The following PPP2CA variants were observed in gnomAD, a reference collection of about 807,000 sequenced individuals.
The protein encoded by PPP2CA is protein phosphatase 2 catalytic subunit alpha.
A neutral mutation model predicts 38.8 loss-of-function variants in PPP2CA; 5 were observed. The observed-to-expected ratio is 0.13, with a 90% CI of 0.07 to 0.27. The LOEUF (loss-of-function observed/expected upper bound fraction) is 0.27, where lower values mean the gene tolerates loss of function less well. Among genes scored for constraint, PPP2CA ranks in the 10% least tolerant of loss-of-function variants. The probability of loss-of-function intolerance (pLI) is 1.00; values close to 1 mark genes in which losing one functional copy is unlikely to be tolerated. For synonymous variants in PPP2CA, 152 were observed against 134.0 expected (o/e 1.13, Z -0.93); for missense variants, 88 against 389.7 (o/e 0.23, Z 6.52).
At chr5:134,213,476 C>T (rs1420667365) in intron 1 of PPP2CA, among the ~76,000 whole-genome samples, 1 of 151,914 alleles carries the variant, frequency 6.6e-6, no homozygotes, top group Non-Finnish European at 1.5e-5. Context: ...ACACCAAAAC[C>T]CCATCTCTAC....
intron 5 of PPP2CA, 128 bp from the exon 6 acceptor site, chr5:134,199,332 C>CT: frequency 3.0e-6 from 2 of 670,518 alleles, no homozygotes; most frequent in Non-Finnish European, 5.2e-6. Flanking sequence ...AATGTTAATG[C>CT]TTTTTTTCTG....
At chr5:134,210,067 C>T (rs548935298) in intron 1 of PPP2CA, among the ~76,000 whole-genome samples, 2 of 151,472 alleles carry the variant, frequency 1.3e-5, no homozygotes, top group East Asian at 3.9e-4. Flanking sequence ...TGCAGTGAGC[C>T]GTGATCATAC....
intron 1 of PPP2CA, among the ~76,000 whole-genome samples, chr5:134,224,635 C>G (rs1197409146): frequency 1.3e-5 from 2 of 151,736 alleles, no homozygotes; most frequent in Non-Finnish European, 3.0e-5. Flanking sequence ...CAGCAGAGAT[C>G]AGCATTTTGT....
intron 1 of PPP2CA, among the ~76,000 whole-genome samples, chr5:134,223,783 C>T (rs919835985): frequency 6.6e-6 from 1 of 152,208 alleles, no homozygotes; most frequent in Admixed American, 6.5e-5. Context: ...TTCTTTCAAA[C>T]TAGATTCATA....
intron 2 of PPP2CA, among the ~76,000 whole-genome samples, chr5:134,205,107 T>C (rs1762050874): frequency 6.6e-6 from 1 of 151,926 alleles, no homozygotes; most frequent in African/African-American, 2.4e-5. Context: ...TAATTATTAT[T>C]ATTTTTTTGT....
intron 1 of PPP2CA, among the ~76,000 whole-genome samples, chr5:134,224,721 C>T (rs1421717681): frequency 2.6e-5 from 4 of 152,158 alleles, no homozygotes; most frequent in Admixed American, 2.6e-4. Flanking sequence ...ACCTGTTTCC[C>T]CAACCCCCAG....
intron 1 of PPP2CA, among the ~76,000 whole-genome samples, chr5:134,210,391 T>TA (rs958730481): frequency 1.3e-5 from 2 of 152,182 alleles, no homozygotes; most frequent in African/African-American, 4.8e-5. Flanking sequence ...TTGACTTCTG[T>TA]AAAGTCTCAT....
intron 1 of PPP2CA, among the ~76,000 whole-genome samples, chr5:134,223,729 T>TCTA (rs1460902814): frequency 6.6e-6 from 1 of 152,180 alleles, no homozygotes; most frequent in East Asian, 1.9e-4. Context: ...ACACAAACCC[T>TCTA]CTACTTCCAT....
Position 134,225,607 on chromosome 5 carries a change from T to C in PPP2CA, c.102+153A>G, listed in dbSNP as rs1762556303. 20 of 591,808 alleles carry C rather than the reference T, an allele frequency of 3.4e-5. No homozygotes were observed. In the East Asian group the frequency reaches 5.9e-4, roughly 17 times the overall value. The allele number at this position is 591,808 out of a possible 1,614,324, so 36.7% of individuals were successfully genotyped here. ...CGGGAGGCAGGGGGCGCCGGGTCGT[T>C]AGGAAGCCGCCGCCGGCCAGGATGG... is the stretch of plus-strand genomic sequence containing the variant. On this transcript the variant is annotated intron_variant, in intron 1 of 6. Coordinates refer to ENST00000481195, the MANE Select transcript of PPP2CA (RefSeq NM_002715.4).
chr5:134,204,694 G>A (rs1020476484), intron 2 of PPP2CA, among the ~76,000 whole-genome samples: 2 of 152,072 alleles, frequency 1.3e-5, no homozygotes, highest in African/African-American at 2.4e-5. Flanking sequence ...CTGGACTCAA[G>A]TGATCCTTCC....
At chr5:134,217,362 C>T (rs1408489377) in intron 1 of PPP2CA, among the ~76,000 whole-genome samples, 3 of 152,146 alleles carry the variant, frequency 2.0e-5, no homozygotes, top group Non-Finnish European at 4.4e-5. Context: ...TAACATTTCA[C>T]ATCCTTACCA....
intron 1 of PPP2CA, among the ~76,000 whole-genome samples, chr5:134,209,713 G>A (rs1027353428): frequency 6.6e-6 from 1 of 151,850 alleles, no homozygotes; most frequent in East Asian, 1.9e-4. Context: ...GGGAGGCGGA[G>A]GTTGCAGTGA....
At chr5:134,200,920 T>TAG in intron 4 of PPP2CA, 65 bp downstream of exon 4, 5 of 1,298,762 alleles carry the variant, frequency 3.8e-6, no homozygotes, top group Non-Finnish European at 5.6e-6. Context: ...CTAATGAACT[T>TAG]ACAATTAAAC....
chr5:134,217,906 T>G (rs1762355431), intron 1 of PPP2CA, among the ~76,000 whole-genome samples: 1 of 152,342 alleles, frequency 6.6e-6, no homozygotes, highest in South Asian at 2.1e-4. Context: ...GGCTACAAAC[T>G]TGTACAGCAT....
At position 134,195,270 on chromosome 5, in the gene PPP2CA, A is replaced by G. The variant is rs948741633; in HGVS notation, c.*2502T>C. ...AAACTCAGAATCCTCTTTATTTTTG[A>G]GACAGGGTCTGGCTCTGTCACCCAG... On this transcript the variant is annotated 3_prime_UTR_variant, in exon 7 of 7. Transcript: ENST00000481195. The G allele has an allele frequency of 1.3e-5, 2 of 152,208 alleles. No homozygotes were observed. The highest frequency in any genetic ancestry group is 4.8e-5 in the African/African-American group (2 of 41,436). 9.4% of individuals were successfully genotyped at this position (152,208 alleles called of 1,614,324 possible). A position where few individuals can be genotyped will look rare whatever the true frequency, so the allele number is the denominator to read the frequency against.
intron 1 of PPP2CA, among the ~76,000 whole-genome samples, chr5:134,217,615 C>CA (rs943617553): frequency 2.0e-5 from 3 of 151,952 alleles, no homozygotes; most frequent in African/African-American, 2.4e-5. Context: ...GATAATTGTG[C>CA]AAAAAAATCC....
intron 1 of PPP2CA, among the ~76,000 whole-genome samples, chr5:134,222,106 T>A (rs979959570): frequency 6.6e-6 from 1 of 152,274 alleles, no homozygotes; most frequent in Admixed American, 6.5e-5. Flanking sequence ...TACCAGAACA[T>A]TAGGCTTAGA....
At chr5:134,217,419 G>GA (rs1342414605) in intron 1 of PPP2CA, among the ~76,000 whole-genome samples, 4 of 152,054 alleles carry the variant, frequency 2.6e-5, no homozygotes, top group Non-Finnish European at 4.4e-5. Context: ...AGAAACACTG[G>GA]AAAAAATGCA....
intron 1 of PPP2CA, among the ~76,000 whole-genome samples, chr5:134,211,637 C>T (rs1445845941): frequency 1.5e-5 from 1 of 68,362 alleles, no homozygotes; most frequent in African/African-American, 5.8e-5. Context: ...CCACTCCCAG[C>T]TAATTTTTTT....
Sources: gnomAD v4.1 joint callset for allele counts (sites outside exome capture counted in the v4.1 genomes callset) on GRCh38, gnomAD v4.1.1 for gene constraint, MANE v1.5 for transcripts, NCBI Gene and HGNC (gene_info 2026-07-23, HGNC 2026-07-21) for gene names.